ANO4: variants seen among roughly 807,000 people sequenced by gnomAD.
ANO4 encodes the protein anoctamin-4.
ANO4 carries 69 observed loss-of-function variants against 141.9 expected under a neutral mutation model. The observed-to-expected ratio is 0.49, with a 90% CI of 0.40 to 0.59. ANO4 has a LOEUF of 0.59. Among genes scored for constraint, ANO4 ranks in the 20% least tolerant of loss-of-function variants. ANO4 has a pLI of 0.00. For missense variants in ANO4, 894 were observed against 1,162.2 expected (o/e 0.77, Z 3.36); for synonymous variants, 350 against 394.3 (o/e 0.89, Z 1.33).
intron 1 of ANO4, among the ~76,000 whole-genome samples, chr12:100,894,540 C>A (rs1029926699): frequency 7.2e-5 from 11 of 152,060 alleles, no homozygotes; most frequent in South Asian, 2.1e-4. Flanking sequence ...AAATTCTGCC[C>A]CCTCTTATGG....
chr12:100,905,706 C>T (rs1228671898), intron 2 of ANO4, among the ~76,000 whole-genome samples: 3 of 152,084 alleles, frequency 2.0e-5, no homozygotes, highest in Non-Finnish European at 4.4e-5. Context: ...AGGGCAGCAG[C>T]TGGAGGAGAA....
At chr12:100,987,768 C>G (rs936074427) in intron 8 of ANO4, 98 bp downstream of exon 8, 10 of 1,478,326 alleles carry the variant, frequency 6.8e-6, no homozygotes, top group Admixed American at 4.2e-5. Context: ...GAGGAAGGAA[C>G]AGCATAGTGC....
rs568682115 is a variant in ANO4, at chr12:101,059,912, C to A, written c.1312+11511C>A. 2.0e-5 allele frequency among the ~76,000 whole-genome samples: 3 copies of A among 152,234 alleles called. No individual in the cohort carries two copies. The East Asian group carries it at 5.8e-4, about 29-fold the overall frequency. Reference sequence around the variant, plus strand: ...CTCTGATCTTAGTCAGCCTTCTTGTCTTCTGCTAGCTTTTGAATGTGTTTT... The same window carrying A: ...CTCTGATCTTAGTCAGCCTTCTTGTATTCTGCTAGCTTTTGAATGTGTTTT... On this transcript the variant is annotated intron_variant, in intron 14 of 27. Coordinates refer to ENST00000392977, the MANE Select transcript of ANO4 (RefSeq NM_001286615.2).
intron 14 of ANO4, chr12:101,069,040 G>A (rs1842887): frequency 0.4 from 330,951 of 828,634 alleles, 67,495 homozygotes; most frequent in African/African-American, 0.57. Flanking sequence ...AGTTGGCTAA[G>A]GTACACTAGG....
At chr12:101,010,833 A>G (rs995254785) in intron 8 of ANO4, among the ~76,000 whole-genome samples, 3 of 152,196 alleles carry the variant, frequency 2.0e-5, no homozygotes, top group Non-Finnish European at 4.4e-5. Flanking sequence ...TTGGTTATCT[A>G]TTGCTACATA....
intron 7 of ANO4, among the ~76,000 whole-genome samples, chr12:100,983,659 A>C (rs2044582345): frequency 6.6e-6 from 1 of 152,218 alleles, no homozygotes; most frequent in Admixed American, 6.5e-5. Flanking sequence ...CAAAGCCAGC[A>C]ATGGTGGGTC....
intron 24 of ANO4, among the ~76,000 whole-genome samples, chr12:101,113,615 A>C (rs1206848384): frequency 6.6e-6 from 1 of 152,122 alleles, no homozygotes; most frequent in Non-Finnish European, 1.5e-5. Flanking sequence ...TTTCTGCCTC[A>C]CTGGCCACTC....
At chr12:100,890,903 A>G (rs1476821184) in intron 1 of ANO4, among the ~76,000 whole-genome samples, 3 of 152,330 alleles carry the variant, frequency 2.0e-5, no homozygotes, top group South Asian at 2.1e-4. Context: ...CATTAAACAG[A>G]GTAGTTTTAT....
rs1186377801 is a variant in ANO4 at position 101,043,593 on chromosome 12, C to T, written c.1209C>T (p.Tyr403=). 14 of 1,613,660 alleles carry T rather than the reference C, an allele frequency of 8.7e-6. No individual in the cohort carries two copies. The East Asian group carries it at 3.1e-4, about 36-fold the overall frequency. Residue 403 remains tyrosine, a synonymous_variant, in exon 13 of 28, where the codon TAC becomes TAT. Coordinates refer to ENST00000392977, the MANE Select transcript of ANO4 (RefSeq NM_001286615.2). ...DIIMCPVCDK[Y]CPFMRLSDSC... ...TCATGTGTCCTGTGTGTGATAAATA[C>T]TGTCCATTCATGAGGCTGTCAGACA... is the stretch of plus-strand genomic sequence containing the variant.
intron 3 of ANO4, among the ~76,000 whole-genome samples, chr12:100,752,274 C>T (rs982038251): frequency 6.6e-6 from 1 of 152,020 alleles, no homozygotes; most frequent in Admixed American, 6.6e-5. Flanking sequence ...CTATGGCTTT[C>T]AACATTTTTG....
chr12:101,111,294 A>G (rs560091793), intron 23 of ANO4, among the ~76,000 whole-genome samples: 38 of 152,286 alleles, frequency 2.5e-4, no homozygotes, highest in African/African-American at 7.2e-4. Flanking sequence ...TGATCCTATC[A>G]GATGGTATTT....
intron 14 of ANO4, chr12:101,068,180 A>G (rs1208617205): frequency 7.8e-6 from 9 of 1,148,566 alleles, no homozygotes; most frequent in Non-Finnish European, 1.0e-5. Flanking sequence ...ATAGCCCCAT[A>G]GGAGTGGAGT....
intron 3 of ANO4, among the ~76,000 whole-genome samples, chr12:100,746,327 C>T (rs954155539): frequency 6.6e-6 from 1 of 152,074 alleles, no homozygotes; most frequent in African/African-American, 2.4e-5. Flanking sequence ...GTGTCATGCA[C>T]CTGTAATCCT....
At chr12:100,925,375 T>C (rs1483254748) in intron 3 of ANO4, among the ~76,000 whole-genome samples, 1 of 152,004 alleles carries the variant, frequency 6.6e-6, no homozygotes, top group Non-Finnish European at 1.5e-5. Flanking sequence ...CCCCTCCCTG[T>C]GTCCATATGT....
chr12:100,750,551 T>C (rs928461876), intron 3 of ANO4, among the ~76,000 whole-genome samples: 4 of 152,100 alleles, frequency 2.6e-5, no homozygotes, highest in Admixed American at 6.5e-5. Flanking sequence ...ACCAAATAAT[T>C]TGTGGTCACT....
intron 16 of ANO4, among the ~76,000 whole-genome samples, chr12:101,084,494 G>C (rs917407981): frequency 6.6e-6 from 1 of 152,094 alleles, no homozygotes; most frequent in Non-Finnish European, 1.5e-5. Context: ...GAACAGTAAA[G>C]GATGATTAGG....
chr12:100,842,076 C>CCCG (rs1252779548), intron 1 of ANO4: 23 of 96,732 alleles, frequency 2.4e-4, no homozygotes, highest in East Asian at 2.3e-3. Flanking sequence ...CCCCCCCCCC[C>CCCG]CACTGAAAGC....
chr12:101,122,274 A>G (rs2051128755), intron 26 of ANO4, among the ~76,000 whole-genome samples: 1 of 152,170 alleles, frequency 6.6e-6, no homozygotes, highest in South Asian at 2.1e-4. Flanking sequence ...AGTTCCTTAC[A>G]GATTCTGGGT....
chr12:101,127,396 A>G lies in ANO4; in HGVS notation c.*4+322A>G, dbSNP rs561656084. On this transcript the variant is annotated intron_variant, in intron 27 of 27. Coordinates refer to ENST00000392977, the MANE Select transcript of ANO4 (RefSeq NM_001286615.2). ...TTCCTCCAGCCGGGCTGTTTTCTTTAATATCCCCAGGGAAACATGCCCCTT... is the reference window on the plus strand; with the variant it reads ...TTCCTCCAGCCGGGCTGTTTTCTTTGATATCCCCAGGGAAACATGCCCCTT... Among the ~76,000 whole-genome samples, 275 of 151,950 alleles carry G rather than the reference A, an allele frequency of 1.8e-3. 3 individuals carry two copies. The highest frequency in any genetic ancestry group is 6.2e-3 in the African/African-American group (255 of 41,440).
Sources: gnomAD v4.1 joint callset for allele counts (sites outside exome capture counted in the v4.1 genomes callset) on GRCh38, gnomAD v4.1.1 for gene constraint, MANE v1.5 for transcripts, NCBI Gene and HGNC (gene_info 2026-07-23, HGNC 2026-07-21) for gene names.